The following CDK5RAP3 variants were observed in gnomAD, a reference collection of about 807,000 sequenced individuals.
The protein encoded by CDK5RAP3 is CDK5 regulatory subunit-associated protein 3.
In CDK5RAP3, 58 loss-of-function variants were observed where a neutral mutation model predicts 73.3. That is an observed-to-expected ratio of 0.79 (90% CI 0.64 to 0.98). The LOEUF is 0.98. Among genes scored for constraint, CDK5RAP3 ranks in the 50% least tolerant of loss-of-function variants. The pLI is 0.00. For synonymous variants in CDK5RAP3, 224 were observed against 247.5 expected, an observed-to-expected ratio of 0.91 and a Z score of 0.89; for missense variants, 525 against 615.8, an observed-to-expected ratio of 0.85 and a Z score of 1.56.
At chr17:47,976,649 C>T in intron 8 of CDK5RAP3, 63 bp from the exon 9 acceptor site, 1 of 1,142,164 alleles carries the variant, frequency 8.8e-7, no homozygotes, top group South Asian at 1.2e-5. Context: ...CAGACATGAG[C>T]CACCATGCCC....
At chr17:47,979,719 CTT>C (rs1395836056) in intron 11 of CDK5RAP3, 1 of 152,350 alleles carries the variant, frequency 6.6e-6, no homozygotes, top group East Asian at 1.9e-4. Flanking sequence ...GGGGTCCTGT[CTT>C]TGTTAATCTC....
At chr17:47,979,255 C>G (rs575249538) in intron 11 of CDK5RAP3, 12 of 203,658 alleles carry the variant, frequency 5.9e-5, no homozygotes, top group African/African-American at 2.6e-4. Context: ...CCAAATGCCA[C>G]GGAGAAAGAG....
At chr17:47,976,089 C>T in intron 8 of CDK5RAP3, 76 bp downstream of exon 8, 1 of 1,528,464 alleles carries the variant, frequency 6.5e-7, no homozygotes, top group South Asian at 1.2e-5. Context: ...AACAGCCCAA[C>T]CCAAGACCCA....
At chr17:47,976,355 C>CG in intron 8 of CDK5RAP3, 1 of 363,010 alleles carries the variant, frequency 2.8e-6, no homozygotes, top group Non-Finnish European at 5.1e-6. Flanking sequence ...GCCCCACCCT[C>CG]CTTTTTAAAT....
In CDK5RAP3 at chr17:47,975,867, A is replaced by T. The variant is rs2036396839; in HGVS notation, c.654-2A>T. ...GAGAGTCAGTTGTGTGCTCTGTTGAAGCCCCACAGAGCAGGTGTTGCCAAT... is the reference window on the plus strand; with the variant it reads ...GAGAGTCAGTTGTGTGCTCTGTTGATGCCCCACAGAGCAGGTGTTGCCAAT... On this transcript the variant is annotated splice_acceptor_variant, in intron 7 of 13. Transcript: ENST00000338399. LOFTEE classifies it high-confidence loss of function. 6.2e-7 allele frequency: 1 copy of T among 1,614,042 alleles called. No individual in the cohort carries two copies. The highest frequency in any genetic ancestry group is 8.5e-7 in the Non-Finnish European group (1 of 1,180,048).
chr17:47,976,720 G>A lies in CDK5RAP3; in HGVS notation c.807G>A (p.Trp269Ter). 2 of 1,610,320 alleles carry A rather than the reference G, an allele frequency of 1.2e-6. No homozygotes were observed. Among genetic ancestry groups the A allele is most frequent in the Non-Finnish European group, 1.7e-6 (2 of 1,177,470 alleles). The change falls in exon 9 of 14, where the codon TGG becomes TGA. Residue 269 changes from tryptophan to a stop codon, truncating the protein, a stop_gained. Coordinates refer to ENST00000338399, the MANE Select transcript of CDK5RAP3 (RefSeq NM_176096.3). LOFTEE classifies it high-confidence loss of function. ...PEQVAEDAID[W>*]GDFGVEAVSE... ...TCTCTTTCCCTTTCCAGATTGACTG[G>A]GGCGACTTTGGGGTAGAGGCAGTGT... is the stretch of plus-strand genomic sequence containing the variant.
At chr17:47,968,877 T>C (rs1333548576), upstream of CDK5RAP3, among the ~76,000 whole-genome samples, 1 of 152,086 alleles carries the variant, frequency 6.6e-6, no homozygotes, top group East Asian at 1.9e-4. Context: ...CTCGAATTCC[T>C]GACCTTAGGT....
Position 47,975,912 on chromosome 17 carries a change from C to T in CDK5RAP3, c.697C>T (p.Arg233Trp), listed in dbSNP as rs199625816. The T allele has an allele frequency of 1.2e-4, 200 of 1,614,190 alleles. 1 individual carries two copies. In the African/African-American group the frequency reaches 2.4e-3, roughly 19 times the overall value. ...VLPMLRFVQKRGNSTVYEWRT... is the reference protein window; with the variant it reads ...VLPMLRFVQKWGNSTVYEWRT... ...GCCAATGCTGCGGTTCGTGCAGAAG[C>T]GGGGAAACTCAACGGTGTACGAGTG... The change falls in exon 8 of 14, where the codon CGG (arginine) becomes TGG (tryptophan). Residue 233 changes from arginine to tryptophan, a missense_variant. Physicochemically the swap from Arg to Trp is moderately radical, Grantham distance 101 (BLOSUM62 -3). This residue lies in a region of CDK5RAP3 where 409 missense variants were observed against 429.8 expected (regional missense o/e 0.95). Coordinates refer to ENST00000338399, the MANE Select transcript of CDK5RAP3 (RefSeq NM_176096.3).
rs1014847737 is a variant in CDK5RAP3 at position 47,973,416 on chromosome 17, T to G, written c.53-103T>G. ...CATGACCCCCATACTTTAACCAATG[T>G]AAAGAAAACTTTTAGACTAATTTCA... On this transcript the variant is annotated intron_variant, in intron 2 of 13. Transcript: ENST00000338399. 2.2e-6 allele frequency: 3 copies of G among 1,381,924 alleles called. No individual in the cohort carries two copies. In the African/African-American group the frequency reaches 4.3e-5, roughly 20 times the overall value. 85.6% of individuals were successfully genotyped at this position (1,381,924 alleles called of 1,614,324 possible).
At chr17:47,970,311 G>A (rs952768226), upstream of CDK5RAP3, among the ~76,000 whole-genome samples, 20 of 152,178 alleles carry the variant, frequency 1.3e-4, no homozygotes, top group African/African-American at 4.6e-4. Context: ...GCCTGCCCGC[G>A]GAGCCGACTT....
Position 47,971,125 on chromosome 17 carries a change from C to T in CDK5RAP3, c.-22C>T, listed in dbSNP as rs1177674924. 2 of 1,551,746 alleles carry T rather than the reference C, an allele frequency of 1.3e-6. No individual in the cohort carries two copies. The highest frequency in any genetic ancestry group is 1.7e-6 in the Non-Finnish European group (2 of 1,147,010). Reference sequence around the variant, plus strand: ...GGCGGGGCGGGCCACAGTCTCCAGCCTGAAGCGGAAGTGGAGGAAAGATGG... The same window carrying T: ...GGCGGGGCGGGCCACAGTCTCCAGCTTGAAGCGGAAGTGGAGGAAAGATGG... On this transcript the variant is annotated 5_prime_UTR_variant, in exon 1 of 14. Coordinates refer to ENST00000338399, the MANE Select transcript of CDK5RAP3 (RefSeq NM_176096.3).
upstream of CDK5RAP3, chr17:47,971,077 C>T: frequency 6.4e-7 from 1 of 1,551,032 alleles, no homozygotes; most frequent in Non-Finnish European, 8.7e-7. Flanking sequence ...GGCTCGGCCA[C>T]AACGCCACTG....
At chr17:47,979,605 C>G (rs1281536927) in intron 11 of CDK5RAP3, 1 of 152,596 alleles carries the variant, frequency 6.6e-6, no homozygotes, top group African/African-American at 2.4e-5. Flanking sequence ...AGGTTAGGAA[C>G]ATGATCTCAT....
chr17:47,978,996 C>A, intron 11 of CDK5RAP3, 79 bp downstream of exon 11: 1 of 1,049,004 alleles, frequency 9.5e-7, no homozygotes, highest in Non-Finnish European at 1.5e-6. Flanking sequence ...CTGACCTGAC[C>A]CCTCCTGTTT....
At chr17:47,971,290 T>C in intron 1 of CDK5RAP3, 72 bp from the exon 2 acceptor site, 1 of 1,558,350 alleles carries the variant, frequency 6.4e-7, no homozygotes, top group Non-Finnish European at 8.7e-7. Context: ...GGTTGGGACG[T>C]TGAAATGAGC....
chr17:47,979,253 C>T (rs2036497339), intron 11 of CDK5RAP3: 1 of 210,764 alleles, frequency 4.7e-6, no homozygotes, highest in African/African-American at 2.3e-5. Flanking sequence ...CACCAAATGC[C>T]ACGGAGAAAG....
At chr17:47,970,693 G>A (rs1293045901), upstream of CDK5RAP3, 7 of 1,535,680 alleles carry the variant, frequency 4.6e-6, no homozygotes, top group South Asian at 5.9e-5. Flanking sequence ...ACACTGCTCT[G>A]GATGGTAAAG....
intron 4 of CDK5RAP3, 45 bp downstream of exon 4, chr17:47,974,076 A>G: frequency 7.4e-7 from 1 of 1,346,924 alleles, no homozygotes. Flanking sequence ...GGGGACATCC[A>G]ATCCGAGGAG....
chr17:47,977,310 G>A (rs1393820692), intron 9 of CDK5RAP3, among the ~76,000 whole-genome samples: 4 of 152,028 alleles, frequency 2.6e-5, no homozygotes, highest in Admixed American at 6.6e-5. Flanking sequence ...CACCACGCCC[G>A]GCTAATTGTT....
Sources: allele counts gnomAD v4.1 joint callset (sites outside exome capture counted in the v4.1 genomes callset), GRCh38; gene constraint gnomAD v4.1.1; regional missense constraint gnomAD v4.1.1; transcripts MANE v1.5; gene names NCBI Gene and HGNC (gene_info 2026-07-23, HGNC 2026-07-21).